Variants in ALK observed in about 807,000 individuals in gnomAD.
The protein encoded by ALK is ALK tyrosine kinase receptor.
ALK carries 74 observed loss-of-function variants against 163.1 expected under a neutral mutation model. That is an observed-to-expected ratio of 0.45 (90% CI 0.38 to 0.55). The LOEUF (loss-of-function observed/expected upper bound fraction) is 0.55, where lower values mean the gene tolerates loss of function less well. ALK is among the 20% of genes least tolerant of loss of function. ALK has a pLI of 0.00. For missense variants in ALK, 2,063 were observed against 2,105.3 expected (o/e 0.98, Z 0.39); for synonymous variants, 960 against 843.2 (o/e 1.14, Z -2.40).
intron 4 of ALK, among the ~76,000 whole-genome samples, chr2:29,467,651 G>A (rs1356115089): frequency 6.6e-6 from 1 of 152,048 alleles, no homozygotes; most frequent in African/African-American, 2.4e-5. Context: ...TGTGGCTCGG[G>A]GGCCCTGAGA....
intron 3 of ALK, among the ~76,000 whole-genome samples, chr2:29,556,360 A>G (rs1037935449): frequency 2.5e-4 from 38 of 152,192 alleles, no homozygotes; most frequent in Non-Finnish European, 5.9e-5. Context: ...TGCTTAGCAC[A>G]CTGTGTGGCA....
chr2:29,904,844 T>C (rs898050255), intron 1 of ALK, among the ~76,000 whole-genome samples: 2 of 152,196 alleles, frequency 1.3e-5, no homozygotes, highest in Admixed American at 1.3e-4. Flanking sequence ...AAACCCACCT[T>C]TCTGAGCCTG....
intron 3 of ALK, among the ~76,000 whole-genome samples, chr2:29,539,714 A>C (rs1673361069): frequency 6.6e-6 from 1 of 152,160 alleles, no homozygotes; most frequent in Non-Finnish European, 1.5e-5. Context: ...GTGGGACAAG[A>C]ATTAATTACA....
At chr2:29,450,451 A>G (rs977460234) in intron 4 of ALK, among the ~76,000 whole-genome samples, 1 of 152,128 alleles carries the variant, frequency 6.6e-6, no homozygotes, top group African/African-American at 2.4e-5. Flanking sequence ...AGTGACTGCA[A>G]CAAGGTCTTT....
At chr2:29,195,213 T>C (rs554389607) in intron 28 of ALK, among the ~76,000 whole-genome samples, 2 of 152,300 alleles carry the variant, frequency 1.3e-5, no homozygotes, top group African/African-American at 4.8e-5. Flanking sequence ...AAAATACTCC[T>C]AAGAAGGTAT....
intron 26 of ALK, among the ~76,000 whole-genome samples, chr2:29,206,929 C>T (rs571006666): frequency 6.6e-6 from 1 of 152,340 alleles, no homozygotes; most frequent in African/African-American, 2.4e-5. Context: ...AAATTCTCAG[C>T]TAGATCCCAG....
chr2:29,426,152 ACAGT>A (rs1002434069), intron 4 of ALK, among the ~76,000 whole-genome samples: 36 of 152,236 alleles, frequency 2.4e-4, no homozygotes, highest in African/African-American at 8.0e-4. Context: ...AGGGAAATAA[ACAGT>A]CAAAGAGAAA....
intron 4 of ALK, among the ~76,000 whole-genome samples, chr2:29,508,733 C>CAA (rs60719550): frequency 0.029 from 1,893 of 65,440 alleles, 126 homozygotes; most frequent in African/African-American, 0.08. Flanking sequence ...ATCTGCAACT[C>CAA]AAAAAAAAAA....
chr2:29,894,294 T>C (rs1292933726), intron 1 of ALK, among the ~76,000 whole-genome samples: 1 of 151,998 alleles, frequency 6.6e-6, no homozygotes, highest in Non-Finnish European at 1.5e-5. Flanking sequence ...CAACATAGCA[T>C]GGGGGCTAAG....
chr2:29,605,106 T>C (rs890500179), intron 3 of ALK, among the ~76,000 whole-genome samples: 1 of 152,218 alleles, frequency 6.6e-6, no homozygotes, highest in Non-Finnish European at 1.5e-5. Flanking sequence ...CCCTACCTTT[T>C]TGGCATCAGG....
chr2:29,603,060 G>A (rs1675422456), intron 3 of ALK, among the ~76,000 whole-genome samples: 1 of 152,160 alleles, frequency 6.6e-6, no homozygotes. Flanking sequence ...GCAATTTGTC[G>A]ACAGAGTTAA....
chr2:29,355,526 T>G (rs914463904), intron 5 of ALK, among the ~76,000 whole-genome samples: 1 of 152,026 alleles, frequency 6.6e-6, no homozygotes, highest in African/African-American at 2.4e-5. Flanking sequence ...TCCTTGAAGG[T>G]CTCTGCAATG....
intron 4 of ALK, among the ~76,000 whole-genome samples, chr2:29,463,423 A>T (rs928680141): frequency 3.3e-5 from 5 of 152,214 alleles, no homozygotes; most frequent in Non-Finnish European, 5.9e-5. Flanking sequence ...GAGCTCCTCA[A>T]AAACTTCTAC....
chr2:29,242,474 C>T (rs1333933520), intron 12 of ALK, among the ~76,000 whole-genome samples: 1 of 152,134 alleles, frequency 6.6e-6, no homozygotes, highest in Non-Finnish European at 1.5e-5. Flanking sequence ...GTTGTTTGTT[C>T]CTGACTCCTT....
At chr2:29,584,678 C>T (rs556454876) in intron 3 of ALK, among the ~76,000 whole-genome samples, 25 of 152,312 alleles carry the variant, frequency 1.6e-4, no homozygotes, top group African/African-American at 2.9e-4. Flanking sequence ...ATGGCTGGTT[C>T]GGTGTTCTGG....
intron 1 of ALK, among the ~76,000 whole-genome samples, chr2:29,864,573 A>G (rs971292385): frequency 4.6e-5 from 7 of 152,234 alleles, no homozygotes; most frequent in Admixed American, 3.3e-4. Context: ...AAATCCTAAT[A>G]CAGTGTCTGG....
chr2:29,258,123 C>T (rs983454419), intron 11 of ALK, among the ~76,000 whole-genome samples: 7 of 152,184 alleles, frequency 4.6e-5, no homozygotes, highest in African/African-American at 9.7e-5. Flanking sequence ...AAAGCCATCA[C>T]GCCTGGCCTC....
At chr2:29,830,685 A>T (rs544603811) in intron 1 of ALK, among the ~76,000 whole-genome samples, 19 of 136,932 alleles carry the variant, frequency 1.4e-4, no homozygotes, top group Non-Finnish European at 2.6e-4. Context: ...CCTGGAAAAC[A>T]CAGCAAGACC....
At chr2:29,253,857 TAGATA>T (rs952803458) in intron 11 of ALK, among the ~76,000 whole-genome samples, 4 of 133,912 alleles carry the variant, frequency 3.0e-5, no homozygotes, top group Admixed American at 7.0e-5. Context: ...GATAGATAGA[TAGATA>T]GATAGATAGA....
Sources: gnomAD v4.1 joint callset for allele counts (sites outside exome capture counted in the v4.1 genomes callset) on GRCh38, gnomAD v4.1.1 for gene constraint, MANE v1.5 for transcripts, NCBI Gene and HGNC (gene_info 2026-07-23, HGNC 2026-07-21) for gene names.